ASPSCR1: variants seen among roughly 807,000 people sequenced by gnomAD.
ASPSCR1 encodes the protein ASPSCR1 tether for SLC2A4, UBX domain containing, also known as tether containing UBX domain for GLUT4.
In ASPSCR1, 55 loss-of-function variants were observed where a neutral mutation model predicts 68.9. The ratio of observed to expected loss-of-function variants is 0.80; its 90% CI spans 0.64 to 1.00. The LOEUF (loss-of-function observed/expected upper bound fraction) is 1.00, where lower values mean the gene tolerates loss of function less well. Among genes scored for constraint, ASPSCR1 ranks in the 50% least tolerant of loss-of-function variants. The pLI is 0.00. For synonymous variants in ASPSCR1, 352 were observed against 332.6 expected, an observed-to-expected ratio of 1.06 and a Z score of -0.63; for missense variants, 765 against 762.2, an observed-to-expected ratio of 1.00 and a Z score of -0.04.
At position 81,995,983 on chromosome 17, in the gene ASPSCR1, C is replaced by T. The variant is rs747959923; in HGVS notation, c.433-9C>T. The T allele has an allele frequency of 6.8e-6, 11 of 1,608,642 alleles. No homozygotes were observed. The Admixed American group carries it at 8.4e-5, about 12-fold the overall frequency. On this transcript the variant is annotated splice_polypyrimidine_tract_variant and intron_variant, in intron 5 of 15. Transcript: ENST00000306739. Reference sequence around the variant, plus strand: ...CAAGGCGCACCTGTCCTGGCTGCTCCTCCTGCAGGTGACGGGTGAAGCTGC... The same window carrying T: ...CAAGGCGCACCTGTCCTGGCTGCTCTTCCTGCAGGTGACGGGTGAAGCTGC...
At chr17:82,000,030 G>A (rs944367915) in intron 7 of ASPSCR1, among the ~76,000 whole-genome samples, 14 of 152,202 alleles carry the variant, frequency 9.2e-5, no homozygotes, top group Non-Finnish European at 1.9e-4. Context: ...TGGGAACTCT[G>A]CCAAACTCTG....
In ASPSCR1 at chr17:81,994,983, C is replaced by T. The variant is rs556485679; in HGVS notation, c.432+105C>T. 7.9e-5 allele frequency: 99 copies of T among 1,257,872 alleles called. No individual in the cohort carries two copies. In the East Asian group the frequency reaches 2.3e-3, roughly 29 times the overall value. The allele number at this position is 1,257,872 out of a possible 1,614,324, so 77.9% of individuals were successfully genotyped here. On this transcript the variant is annotated intron_variant, in intron 5 of 15. Transcript: ENST00000306739. ...CCGTCTCCAGGGCAGTGGCGGGAGA[C>T]TCGGGCTCTTGAAAGCACGACGTGT...
intron 12 of ASPSCR1, chr17:82,013,210 G>A (rs550744814): frequency 9.8e-5 from 15 of 152,356 alleles, no homozygotes; most frequent in African/African-American, 3.1e-4. Flanking sequence ...CCGAGCTGCC[G>A]GGCGGACTCC....
At chr17:81,984,579 C>CAA (rs55733420) in intron 3 of ASPSCR1, among the ~76,000 whole-genome samples, 1 of 119,110 alleles carries the variant, frequency 8.4e-6, no homozygotes, top group Non-Finnish European at 1.8e-5. Flanking sequence ...GACTTTGTCT[C>CAA]AAAAAAAAAA....
intron 9 of ASPSCR1, chr17:82,010,131 C>T (rs759795289): frequency 4.2e-5 from 12 of 287,236 alleles, no homozygotes; most frequent in East Asian, 1.6e-4. Flanking sequence ...CATGTTGGCC[C>T]GGCTGGTCTC....
intron 12 of ASPSCR1, chr17:82,015,756 C>T: frequency 4.1e-6 from 1 of 243,476 alleles, no homozygotes; most frequent in South Asian, 6.4e-5. Context: ...ATGGCAGCTC[C>T]TGGCGCTGTC....
rs1489785843 is a variant in ASPSCR1 at position 81,977,643 on chromosome 17, G to A, written c.-4G>A. On this transcript the variant is annotated 5_prime_UTR_variant, in exon 1 of 16. Coordinates refer to ENST00000306739, the MANE Select transcript of ASPSCR1 (RefSeq NM_024083.4). This position sits in a 1 kb window ranked among gnomAD's most constrained non-coding sequence, Gnocchi z 5.0. ...GGCCCGGCGGCGGGTCACGTGAGCG[G>A]AAAATGGCGGCCCCGGCAGGCGGCG... 7.2e-6 allele frequency: 10 copies of A among 1,394,482 alleles called. No homozygotes were observed. The highest frequency in any genetic ancestry group is 1.5e-5 in the African/African-American group (1 of 66,162). 86.4% of individuals were successfully genotyped at this position (1,394,482 alleles called of 1,614,324 possible).
At position 81,994,533 on chromosome 17, in the gene ASPSCR1, G is replaced by A. The variant is rs539451867; in HGVS notation, c.375-288G>A. Among the ~76,000 whole-genome samples the A allele has an allele frequency of 4.6e-5, 7 of 152,264 alleles. No individual in the cohort carries two copies. The South Asian group carries it at 1.5e-3, about 32-fold the overall frequency. On this transcript the variant is annotated intron_variant, in intron 4 of 15. Coordinates refer to ENST00000306739, the MANE Select transcript of ASPSCR1 (RefSeq NM_024083.4). The stretch of plus-strand genomic sequence containing the variant: ...CCCTGGGCCCTGCCGGCAGCTCCAC[G>A]TCCTGCCAGCGGCCCCGAGACTGGA...
chr17:81,986,029 C>T lies in ASPSCR1; in HGVS notation c.374+422C>T, dbSNP rs2041982943. ...TGGTCACCTAGGCTGCTCTTGAACC[C>T]ATGGGCTCAAGAAATTCTCCCATCT... On this transcript the variant is annotated intron_variant, in intron 4 of 15. Transcript: ENST00000306739. This position sits in a 1 kb window ranked among gnomAD's most constrained non-coding sequence, Gnocchi z 5.2. Among the ~76,000 whole-genome samples, 1 of 152,050 alleles carries T rather than the reference C, an allele frequency of 6.6e-6. No homozygotes were observed. The highest frequency in any genetic ancestry group is 1.5e-5 in the Non-Finnish European group (1 of 68,006).
At chr17:82,008,763 G>A (rs2042808351) in intron 7 of ASPSCR1, 1 of 387,462 alleles carries the variant, frequency 2.6e-6, no homozygotes, top group Non-Finnish European at 4.6e-6. Flanking sequence ...CATGTGCCCT[G>A]CTGGGGAGCA....
chr17:82,003,200 C>T (rs901281111), intron 7 of ASPSCR1, among the ~76,000 whole-genome samples: 2 of 152,240 alleles, frequency 1.3e-5, no homozygotes, highest in Admixed American at 1.3e-4. Context: ...AATCACAGCA[C>T]TTCGGGAGAC....
chr17:82,011,482 G>A, intron 10 of ASPSCR1, 61 bp from the exon 11 acceptor site: 1 of 1,492,788 alleles, frequency 6.7e-7, no homozygotes, highest in South Asian at 1.2e-5. Context: ...CCCAGGTGCT[G>A]GGGCAGCCCG....
intron 4 of ASPSCR1, among the ~76,000 whole-genome samples, chr17:81,989,186 C>T (rs1262826900): frequency 2.0e-5 from 3 of 152,098 alleles, no homozygotes; most frequent in South Asian, 4.1e-4. Context: ...CCAGCCTGGG[C>T]GACAGAGCAA....
intron 3 of ASPSCR1, among the ~76,000 whole-genome samples, chr17:81,984,711 G>C (rs900259557): frequency 5.3e-5 from 8 of 151,818 alleles, no homozygotes; most frequent in African/African-American, 1.9e-4. Flanking sequence ...ATCTTTTGAA[G>C]CCCCCACTGG....
Position 81,995,985 on chromosome 17 carries a change from C to T in ASPSCR1, c.433-7C>T. ...AGGCGCACCTGTCCTGGCTGCTCCT[C>T]CTGCAGGTGACGGGTGAAGCTGCCC... On this transcript the variant is annotated splice_region_variant and splice_polypyrimidine_tract_variant and intron_variant, in intron 5 of 15. Transcript: ENST00000306739. 4 of 1,608,906 alleles carry T rather than the reference C, an allele frequency of 2.5e-6. No homozygotes were observed. Among genetic ancestry groups the T allele is most frequent in the Non-Finnish European group, 3.4e-6 (4 of 1,178,620 alleles).
intron 2 of ASPSCR1, among the ~76,000 whole-genome samples, chr17:81,980,599 A>G (rs1055040321): frequency 6.6e-6 from 1 of 152,222 alleles, no homozygotes; most frequent in Non-Finnish European, 1.5e-5. Flanking sequence ...AACCGGTTGC[A>G]GCTTGCAGGG....
Position 81,986,347 on chromosome 17 carries a change from A to G in ASPSCR1, c.374+740A>G, listed in dbSNP as rs2041992764. 6.6e-6 allele frequency among the ~76,000 whole-genome samples: 1 copy of G among 152,156 alleles called. No individual in the cohort carries two copies. Among genetic ancestry groups the G allele is most frequent in the Non-Finnish European group, 1.5e-5 (1 of 68,038 alleles). On this transcript the variant is annotated intron_variant, in intron 4 of 15. Coordinates refer to ENST00000306739, the MANE Select transcript of ASPSCR1 (RefSeq NM_024083.4). This position sits in a 1 kb window ranked among gnomAD's most constrained non-coding sequence, Gnocchi z 5.2. ...TGCCAGAGGCTGAGGTGGGAGGATCACTTGAGCCGTGGAGGCAGTTGCAGT... is the reference window on the plus strand; with the variant it reads ...TGCCAGAGGCTGAGGTGGGAGGATCGCTTGAGCCGTGGAGGCAGTTGCAGT...
In ASPSCR1 at chr17:81,979,182, A is replaced by G; in HGVS notation, c.103-2A>G. The G allele has an allele frequency of 6.2e-7, 1 of 1,614,000 alleles. No homozygotes were observed. The highest frequency in any genetic ancestry group is 8.5e-7 in the Non-Finnish European group (1 of 1,179,962). On this transcript the variant is annotated splice_acceptor_variant, in intron 1 of 15. Transcript: ENST00000306739. LOFTEE classifies it high-confidence loss of function. ...TTCACCATCCTTTCATCTCACCCCC[A>G]GGTTCTGGAGGACACGTGCCGGCGG...
intron 10 of ASPSCR1, among the ~76,000 whole-genome samples, chr17:82,011,118 C>G (rs536954784): frequency 6.6e-6 from 1 of 152,204 alleles, no homozygotes; most frequent in Admixed American, 6.5e-5. Flanking sequence ...GTGCTCACGT[C>G]GCCCACCTAC....
Sources: gnomAD v4.1 joint callset for allele counts (sites outside exome capture counted in the v4.1 genomes callset) on GRCh38, gnomAD v4.1.1 for gene constraint, Gnocchi (gnomAD v3.1) non-coding constraint, MANE v1.5 for transcripts, NCBI Gene and HGNC (gene_info 2026-07-23, HGNC 2026-07-21) for gene names.